Variants in LIPI observed in about 807,000 individuals in gnomAD.
LIPI encodes lipase I.
LIPI carries 59 observed loss-of-function variants against 50.6 expected under a neutral mutation model. The ratio of observed to expected loss-of-function variants is 1.16; its 90% confidence interval spans 0.94 to 1.45. The LOEUF (loss-of-function observed/expected upper bound fraction) is 1.45, where lower values mean the gene tolerates loss of function less well. Ranked by LOEUF, LIPI falls within the 40% of genes most tolerant of loss-of-function variation. The pLI, the probability that LIPI is intolerant of heterozygous loss-of-function variation, is 0.00. For missense variants in LIPI, 586 were observed against 536.3 expected, an observed-to-expected ratio of 1.09 and a Z score of -0.92; for synonymous variants, 203 against 178.2, an observed-to-expected ratio of 1.14 and a Z score of -1.11.
intron 1 of LIPI, among the ~76,000 whole-genome samples, chr21:14,194,304 T>C (rs1200763632): frequency 1.3e-5 from 2 of 152,138 alleles, no homozygotes; most frequent in African/African-American, 2.4e-5. Context: ...CTTCTGTATA[T>C]ACACCCAAAA....
intron 9 of LIPI, among the ~76,000 whole-genome samples, chr21:14,112,695 A>C (rs2016462513): frequency 6.6e-6 from 1 of 152,086 alleles, no homozygotes; most frequent in Admixed American, 6.6e-5. Flanking sequence ...ATACATATTC[A>C]TGCATTTTGT....
intron 3 of LIPI, among the ~76,000 whole-genome samples, chr21:14,184,763 G>A (rs1487491861): frequency 1.3e-5 from 2 of 152,192 alleles, no homozygotes; most frequent in African/African-American, 2.4e-5. Flanking sequence ...GTTTTGGAAA[G>A]AGAATGAGCT....
chr21:14,144,780 T>C lies in LIPI; in HGVS notation c.1138A>G (p.Lys380Glu), dbSNP rs766835609. ...GCAAGAATCTTGACTTCTTGAAGTT[T>C]ATAAAATGGTTTGTTCTTTCTAGAG... is the stretch of plus-strand genomic sequence containing the variant. ...RLYEKNKPFY[K>E]LQEVKILAQF... Residue 380 changes from lysine (K) to glutamate (E), a missense_variant, in exon 9 of 10, where the codon AAA (lysine) becomes GAA (glutamate). Physicochemically the swap from Lys to Glu is moderately conservative, Grantham distance 56. Transcript: ENST00000681601. 1 of 1,575,660 alleles carries C rather than the reference T, an allele frequency of 6.3e-7. No individual in the cohort carries two copies. The highest frequency in any genetic ancestry group is 1.1e-5 in the South Asian group (1 of 90,058).
intron 1 of LIPI, among the ~76,000 whole-genome samples, chr21:14,192,481 AAAC>A (rs769177931): frequency 6.6e-6 from 1 of 152,180 alleles, no homozygotes; most frequent in Non-Finnish European, 1.5e-5. Context: ...ACAAAGAAAC[AAAC>A]AACAACAACA....
intron 7 of LIPI, among the ~76,000 whole-genome samples, chr21:14,159,548 T>G (rs2018391010): frequency 6.6e-6 from 1 of 151,314 alleles, no homozygotes; most frequent in African/African-American, 2.4e-5. Context: ...CATCACACTT[T>G]AATGGCAAAA....
At chr21:14,126,220 A>G (rs1021866434) in intron 9 of LIPI, among the ~76,000 whole-genome samples, 2 of 152,268 alleles carry the variant, frequency 1.3e-5, no homozygotes, top group East Asian at 3.9e-4. Flanking sequence ...ACAAATGAAA[A>G]CTTATGTTTA....
intron 5 of LIPI, among the ~76,000 whole-genome samples, chr21:14,165,733 CTAA>C: frequency 6.6e-6 from 1 of 152,300 alleles, no homozygotes; most frequent in East Asian, 1.9e-4. Flanking sequence ...ACATTTCCAC[CTAA>C]TGACAAAGAT....
chr21:14,133,444 C>T (rs2017372940), intron 9 of LIPI, among the ~76,000 whole-genome samples: 1 of 152,100 alleles, frequency 6.6e-6, no homozygotes, highest in South Asian at 2.1e-4. Context: ...GAGAAAAATT[C>T]TCAACAAACT....
chr21:14,180,417 G>A (rs1167127581), intron 4 of LIPI, among the ~76,000 whole-genome samples: 1 of 152,168 alleles, frequency 6.6e-6, no homozygotes, highest in East Asian at 1.9e-4. Flanking sequence ...CTACTGATAT[G>A]TGATGTCACC....
intron 4 of LIPI, among the ~76,000 whole-genome samples, chr21:14,174,487 C>G (rs2019025133): frequency 6.6e-6 from 1 of 152,102 alleles, no homozygotes; most frequent in South Asian, 2.1e-4. Flanking sequence ...ACAAGTGTCT[C>G]TCTGTCCCCT....
At position 14,112,298 on chromosome 21, in the gene LIPI, C is replaced by T. The variant is rs556298303; in HGVS notation, c.1296-3218G>A. Reference sequence around the variant, plus strand: ...TGTCTCTAGCTTTGTTCTTTTTGCTCAAAATTGCTTTAGCTATTTAAAGTA... The same window carrying T: ...TGTCTCTAGCTTTGTTCTTTTTGCTTAAAATTGCTTTAGCTATTTAAAGTA... On this transcript the variant is annotated intron_variant, in intron 9 of 9. Transcript: ENST00000681601. 3.2e-4 allele frequency among the ~76,000 whole-genome samples: 48 copies of T among 152,100 alleles called. No individual in the cohort carries two copies. The South Asian group carries it at 9.8e-3, about 31-fold the overall frequency.
At chr21:14,184,017 A>T (rs77251470) in intron 3 of LIPI, among the ~76,000 whole-genome samples, 18,792 of 152,192 alleles carry the variant, frequency 0.12, 1,376 homozygotes, top group Admixed American at 0.19. Context: ...CTATAAAGAC[A>T]CATGCACATG....
At position 14,163,492 on chromosome 21, in the gene LIPI, TA is replaced by T; in HGVS notation, c.932del (p.Leu311Ter). 6.3e-7 allele frequency: 1 copy of T among 1,584,370 alleles called. No homozygotes were observed. The highest frequency in any genetic ancestry group is 8.7e-7 in the Non-Finnish European group (1 of 1,153,194). On this transcript the variant is annotated frameshift_variant, in exon 7 of 10. Coordinates refer to ENST00000681601, the MANE Select transcript of LIPI (RefSeq NM_001302998.2). LOFTEE classifies it high-confidence loss of function. Reference sequence around the variant, plus strand: ...GAGGTCTTCCTTCCATCCTTTCTTTTAAAACACCTTTAAATAGCTTGGCTTG... The same window carrying T: ...GAGGTCTTCCTTCCATCCTTTCTTTTAAACACCTTTAAATAGCTTGGCTTG... ...GYQAKLFKGV[L>X]KERMEGRPLR...
intron 8 of LIPI, among the ~76,000 whole-genome samples, chr21:14,145,729 A>G (rs2017881003): frequency 6.6e-6 from 1 of 152,202 alleles, no homozygotes; most frequent in South Asian, 2.1e-4. Context: ...TTTTTAAAAA[A>G]TCAGTTCAAA....
At chr21:14,178,667 A>AT (rs1237532259) in intron 4 of LIPI, among the ~76,000 whole-genome samples, 2 of 152,126 alleles carry the variant, frequency 1.3e-5, no homozygotes, top group Admixed American at 6.6e-5. Context: ...TAATAAGCAC[A>AT]TTTTTTATAG....
At chr21:14,171,640 T>C (rs1367072362) in intron 4 of LIPI, among the ~76,000 whole-genome samples, 1 of 150,716 alleles carries the variant, frequency 6.6e-6, no homozygotes, top group Non-Finnish European at 1.5e-5. Flanking sequence ...TAATAAATGG[T>C]GCTGGGAAAA....
At chr21:14,110,261 T>G (rs1444194207) in intron 9 of LIPI, among the ~76,000 whole-genome samples, 3 of 151,888 alleles carry the variant, frequency 2.0e-5, no homozygotes, top group Non-Finnish European at 2.9e-5. Flanking sequence ...AGGCTTTTGC[T>G]CAACCTATCA....
Position 14,171,830 on chromosome 21 carries a change from C to A in LIPI, c.644-5379G>T, listed in dbSNP as rs2018920531. 2.6e-5 allele frequency among the ~76,000 whole-genome samples: 4 copies of A among 150,992 alleles called. No individual in the cohort carries two copies. The South Asian group carries it at 8.4e-4, about 32-fold the overall frequency. On this transcript the variant is annotated intron_variant, in intron 4 of 9. Coordinates refer to ENST00000681601, the MANE Select transcript of LIPI (RefSeq NM_001302998.2). ...GGCAAGGACTTCATGTCTAAAACAC[C>A]AAAAGCAATGGCAACAAAAGCCAAA...
At chr21:14,164,177 C>A (rs1198933898) in intron 6 of LIPI, among the ~76,000 whole-genome samples, 1 of 151,748 alleles carries the variant, frequency 6.6e-6, no homozygotes, top group Non-Finnish European at 1.5e-5. Flanking sequence ...CACATTGCTA[C>A]CTCCAAATTT....
Sources: allele counts gnomAD v4.1 joint callset (sites outside exome capture counted in the v4.1 genomes callset), GRCh38; gene constraint gnomAD v4.1.1; transcripts MANE v1.5; gene names NCBI Gene and HGNC (gene_info 2026-07-23, HGNC 2026-07-21).